The following GRID2 variants were observed in gnomAD, a reference collection of about 807,000 sequenced individuals.
The protein encoded by GRID2 is glutamate receptor ionotropic, delta-2.
In GRID2, 33 loss-of-function variants were observed where a neutral mutation model predicts 114.8. The observed-to-expected ratio is 0.29, with a 90% confidence interval of 0.22 to 0.38. GRID2 has a LOEUF of 0.38. GRID2 is among the 10% of genes least tolerant of loss of function. The pLI is 1.00. For synonymous variants in GRID2, 505 were observed against 449.9 expected (o/e 1.12, Z -1.55); for missense variants, 1,184 against 1,257.7 (o/e 0.94, Z 0.89).
At chr4:92,862,875 T>C (rs1164159276) in intron 2 of GRID2, among the ~76,000 whole-genome samples, 1 of 152,070 alleles carries the variant, frequency 6.6e-6, no homozygotes, top group Non-Finnish European at 1.5e-5. Context: ...TAAATACTGC[T>C]TTGGTAGAAA....
chr4:92,418,326 T>C (rs1731722236), intron 1 of GRID2, among the ~76,000 whole-genome samples: 1 of 151,920 alleles, frequency 6.6e-6, no homozygotes, highest in East Asian at 1.9e-4. Context: ...CACTGCAAAA[T>C]GAGGCTGAGT....
intron 8 of GRID2, among the ~76,000 whole-genome samples, chr4:93,257,187 G>A (rs1561052235): frequency 1.3e-5 from 2 of 151,902 alleles, no homozygotes; most frequent in East Asian, 3.9e-4. Context: ...TTGTTTATCT[G>A]ATTTACTTAA....
In GRID2 at chr4:93,359,325, A is replaced by G. The variant is rs187693753; in HGVS notation, c.1246-36282A>G. ...GAGTACATAGTAGGTGTATATATTTATGGGGTACATGAGATGTTTTCATCA... is the reference window on the plus strand; with the variant it reads ...GAGTACATAGTAGGTGTATATATTTGTGGGGTACATGAGATGTTTTCATCA... On this transcript the variant is annotated intron_variant, in intron 8 of 15. Coordinates refer to ENST00000282020, the MANE Select transcript of GRID2 (RefSeq NM_001510.4). 3.2e-3 allele frequency among the ~76,000 whole-genome samples: 487 copies of G among 151,618 alleles called. 4 individuals are homozygous for G. Among genetic ancestry groups the G allele is most frequent in the Middle Eastern group, 3.4e-3 (1 of 294 alleles).
chr4:93,115,398 T>TAGAGACACACACACACACACAC (rs1217656948), intron 4 of GRID2, among the ~76,000 whole-genome samples: 1 of 63,502 alleles, frequency 1.6e-5, no homozygotes, highest in African/African-American at 5.6e-5. Context: ...TCCAAGTATA[T>TAGAGACACACACACACACACAC]ACAGACACAC....
rs148278330 is a variant in GRID2, at chr4:92,993,147, AT to A, written c.245-91839del. Among the ~76,000 whole-genome samples the A allele has an allele frequency of 5.3e-5, 8 of 151,180 alleles. No individual in the cohort carries two copies. In the East Asian group the frequency reaches 5.8e-4, roughly 11 times the overall value. The stretch of plus-strand genomic sequence containing the variant: ...TTTGCTAGCTTACTTGAGAGTGGCT[AT>A]TTTTTTTTCTTCTTTTTGTTTGTAC... On this transcript the variant is annotated intron_variant, in intron 2 of 15. Coordinates refer to ENST00000282020, the MANE Select transcript of GRID2 (RefSeq NM_001510.4).
chr4:93,328,922 C>T (rs750257812), intron 8 of GRID2, among the ~76,000 whole-genome samples: 26 of 151,990 alleles, frequency 1.7e-4, no homozygotes, highest in Admixed American at 7.2e-4. Flanking sequence ...TAGAGAAGGC[C>T]GATACTTATT....
At chr4:92,941,474 T>C (rs951808523) in intron 2 of GRID2, among the ~76,000 whole-genome samples, 2 of 152,202 alleles carry the variant, frequency 1.3e-5, no homozygotes, top group African/African-American at 4.8e-5. Flanking sequence ...TCTTTATTAG[T>C]CTTGCTAGTG....
chr4:92,650,423 G>A (rs1222262136), intron 2 of GRID2, among the ~76,000 whole-genome samples: 1 of 152,000 alleles, frequency 6.6e-6, no homozygotes, highest in Non-Finnish European at 1.5e-5. Flanking sequence ...CTTAATCACA[G>A]GGCGTGATAT....
chr4:92,346,965 T>C (rs2110174804), intron 1 of GRID2, among the ~76,000 whole-genome samples: 1 of 152,354 alleles, frequency 6.6e-6, no homozygotes, highest in East Asian at 1.9e-4. Flanking sequence ...TTGATACTTC[T>C]CCTAGGCTGA....
intron 4 of GRID2, among the ~76,000 whole-genome samples, chr4:93,133,424 C>T (rs145272233): frequency 7.0e-4 from 107 of 152,280 alleles, no homozygotes; most frequent in African/African-American, 2.4e-3. Context: ...TAAATGTCCA[C>T]TTTCACCTTT....
chr4:92,655,840 A>G (rs1367682859), intron 2 of GRID2, among the ~76,000 whole-genome samples: 1 of 151,574 alleles, frequency 6.6e-6, no homozygotes, highest in Non-Finnish European at 1.5e-5. Context: ...GACACCAATT[A>G]TTGTGTTTTC....
intron 2 of GRID2, among the ~76,000 whole-genome samples, chr4:92,629,313 T>C (rs1730676426): frequency 6.6e-6 from 1 of 152,092 alleles, no homozygotes; most frequent in Admixed American, 6.6e-5. Flanking sequence ...TATTTTGGAA[T>C]GTTAATAAAT....
At chr4:93,753,809 G>A (rs1205980516) in intron 14 of GRID2, among the ~76,000 whole-genome samples, 1 of 152,136 alleles carries the variant, frequency 6.6e-6, no homozygotes, top group African/African-American at 2.4e-5. Context: ...GAAAGTCCCT[G>A]GGGAATCTTG....
intron 1 of GRID2, among the ~76,000 whole-genome samples, chr4:92,444,372 AG>A (rs35860027): frequency 1.4e-5 from 2 of 141,338 alleles, no homozygotes; most frequent in African/African-American, 5.5e-5. Flanking sequence ...TTACAGTCAA[AG>A]GGGGTTTGTT....
intron 8 of GRID2, among the ~76,000 whole-genome samples, chr4:93,335,023 T>C (rs1211862278): frequency 6.6e-6 from 1 of 151,326 alleles, no homozygotes; most frequent in Non-Finnish European, 1.5e-5. Flanking sequence ...AGCTATGTAC[T>C]AATATACTAA....
At chr4:92,492,472 A>G (rs1007813381) in intron 1 of GRID2, among the ~76,000 whole-genome samples, 1 of 152,180 alleles carries the variant, frequency 6.6e-6, no homozygotes, top group Non-Finnish European at 1.5e-5. Context: ...TCTGAGTTAG[A>G]GCAAGGATTA....
rs1280487211 is a variant in GRID2, at chr4:93,088,406, T to TAA, written c.529+3128_529+3129insAA. 4.6e-5 allele frequency among the ~76,000 whole-genome samples: 7 copies of TAA among 152,264 alleles called. No homozygotes were observed. The East Asian group carries it at 1.4e-3, about 29-fold the overall frequency. On this transcript the variant is annotated intron_variant, in intron 3 of 15. Transcript: ENST00000282020. Reference sequence around the variant, plus strand: ...ATGAGATAAAAAGTATTACAAAACATAGTCTTAGTCTTTAATAAGCTTACA... The same window carrying TAA: ...ATGAGATAAAAAGTATTACAAAACATAAAGTCTTAGTCTTTAATAAGCTTACA...
chr4:93,521,385 A>G (rs1730322183), intron 13 of GRID2, among the ~76,000 whole-genome samples: 1 of 152,192 alleles, frequency 6.6e-6, no homozygotes, highest in South Asian at 2.1e-4. Flanking sequence ...CAGAGAGGGC[A>G]TAACAAAGCA....
intron 1 of GRID2, among the ~76,000 whole-genome samples, chr4:92,446,740 C>A (rs928023306): frequency 6.7e-4 from 102 of 152,366 alleles, no homozygotes; most frequent in African/African-American, 2.4e-3. Flanking sequence ...ACTTCTAAGT[C>A]TACAGCCTGT....
Sources: gnomAD v4.1 joint callset for allele counts (sites outside exome capture counted in the v4.1 genomes callset) on GRCh38, gnomAD v4.1.1 for gene constraint, MANE v1.5 for transcripts, NCBI Gene and HGNC (gene_info 2026-07-23, HGNC 2026-07-21) for gene names.